The following TRMT1 variants were observed in gnomAD, a reference collection of about 807,000 sequenced individuals.
TRMT1 encodes tRNA methyltransferase 1.
In TRMT1, 63 loss-of-function variants were observed where a neutral mutation model predicts 75.4. The ratio of observed to expected loss-of-function variants is 0.84; its 90% CI spans 0.68 to 1.03. The LOEUF (loss-of-function observed/expected upper bound fraction) is 1.03, where lower values mean the gene tolerates loss of function less well. Ranked by LOEUF, TRMT1 falls within the 50% of genes least tolerant of loss-of-function variation. The probability of loss-of-function intolerance (pLI) is 0.00; values close to 1 mark genes in which losing one functional copy is unlikely to be tolerated. For missense variants in TRMT1, 870 were observed against 905.3 expected (o/e 0.96, Z 0.50); for synonymous variants, 382 against 358.1 (o/e 1.07, Z -0.75).
chr19:13,115,737 T>C lies in TRMT1; in HGVS notation c.342A>G (p.Lys114=). ...CTTGCTCTGACAAGTCCACGACCAC[T>C]TTTTGCGTGTCCTTCTCTCCTGGAA... ...IKVPGEKDTQ[K]VVVDLSEQEE... Residue 114 remains lysine, a synonymous_variant, in exon 4 of 17, where the codon AAA becomes AAG. Coordinates refer to ENST00000357720, the MANE Select transcript of TRMT1 (RefSeq NM_001136035.4). 8.1e-6 allele frequency: 13 copies of C among 1,614,040 alleles called. No homozygotes were observed. The highest frequency in any genetic ancestry group is 1.1e-5 in the Non-Finnish European group (13 of 1,180,012).
At chr19:13,107,881 G>C in intron 12 of TRMT1, 22 bp from the exon 13 acceptor site, 1 of 1,548,652 alleles carries the variant, frequency 6.5e-7, no homozygotes, top group South Asian at 1.2e-5. Flanking sequence ...CAGGGATTAT[G>C]AGGGAGATGC....
In TRMT1 at chr19:13,116,235, C is replaced by T; in HGVS notation, c.165G>A (p.Thr55=). Reference sequence around the variant, plus strand: ...TTTTGGCAGCCCCCTCGGTGACTGTCGTCTCCTGGACTTCACGTGGACGTT... The same window carrying T: ...TTTTGGCAGCCCCCTCGGTGACTGTTGTCTCCTGGACTTCACGTGGACGTT... ...GEERPREVQE[T]TVTEGAAKIA... is the part of the protein sequence containing the mutation. The change falls in exon 2 of 17, where the codon ACG becomes ACA. Residue 55 remains threonine (T), a synonymous_variant. Transcript: ENST00000357720. 1.2e-6 allele frequency: 2 copies of T among 1,614,204 alleles called. No homozygotes were observed. Among genetic ancestry groups the T allele is most frequent in the Non-Finnish European group, 1.7e-6 (2 of 1,180,046 alleles).
chr19:13,115,998 C>T lies in TRMT1; in HGVS notation c.309G>A (p.Gln103=). The part of the protein sequence containing the change: ...ARIQLGAKGI[Q]IKVPGEKDTQ... ...CCAGAAGCCTGGACCTCCACTCACT[C>T]TGGATTCCTTTGGCCCCAAGCTGAA... Residue 103 remains glutamine, a splice_region_variant and synonymous_variant, in exon 3 of 17, where the codon CAG becomes CAA. Coordinates refer to ENST00000357720, the MANE Select transcript of TRMT1 (RefSeq NM_001136035.4). The T allele has an allele frequency of 1.2e-6, 2 of 1,614,002 alleles. No individual in the cohort carries two copies. The highest frequency in any genetic ancestry group is 1.7e-6 in the Non-Finnish European group (2 of 1,180,020).
In TRMT1 at chr19:13,109,949, G is replaced by A. The variant is rs751387606; in HGVS notation, c.1072C>T (p.Arg358Cys). 3.4e-5 allele frequency: 55 copies of A among 1,613,764 alleles called. No individual in the cohort carries two copies. In the East Asian group the frequency reaches 8.2e-4, roughly 24 times the overall value. ...GGGACTCCTGACGCTTTGCCGAGACGCTGAAGGTGGAAGGCCCCGCAGCCC... is the reference window on the plus strand; with the variant it reads ...GGGACTCCTGACGCTTTGCCGAGACACTGAAGGTGGAAGGCCCCGCAGCCC... Reference protein sequence around the residue: ...CVGCGAFHLQRLGKASGVPSG... With the variant: ...CVGCGAFHLQCLGKASGVPSG... Residue 358 changes from arginine (R) to cysteine (C), a missense_variant, in exon 9 of 17, where the codon CGT (arginine) becomes TGT (cysteine). Coordinates refer to ENST00000357720, the MANE Select transcript of TRMT1 (RefSeq NM_001136035.4).
Position 13,116,394 on chromosome 19 carries a change from T to C in TRMT1, c.6A>G (p.Gln2=). The C allele has an allele frequency of 6.3e-7, 1 of 1,593,278 alleles. No individual in the cohort carries two copies. The highest frequency in any genetic ancestry group is 1.1e-5 in the South Asian group (1 of 90,846). The part of the protein sequence containing the change: M[Q]GSSLWLSLTF... ...TGAGGCTTAGCCACAGAGACGATCC[T>C]TGCATGAGACATCCGCTGGCGCCTC... Residue 2 remains glutamine, a synonymous_variant, in exon 2 of 17, where the codon CAA becomes CAG. Transcript: ENST00000357720.
At position 13,115,459 on chromosome 19, in the gene TRMT1, A is replaced by G; in HGVS notation, c.461T>C (p.Leu154Pro). Residue 154 changes from leucine (L) to proline (P), a missense_variant, in exon 5 of 17, where the codon CTG (leucine) becomes CCG (proline). Transcript: ENST00000357720. ...AAVGEICEEG[L>P]HVLEGLAASG... ...AGCTGCCAGGCCTTCCAGCACATGC[A>G]GGCCTTCCTGTTGGAGTAAGCAGAA... 6.2e-7 allele frequency: 1 copy of G among 1,612,884 alleles called. No homozygotes were observed. The highest frequency in any genetic ancestry group is 8.5e-7 in the Non-Finnish European group (1 of 1,179,416).
At chr19:13,109,891 T>C in intron 9 of TRMT1, 24 bp downstream of exon 9, 1 of 1,614,020 alleles carries the variant, frequency 6.2e-7, no homozygotes. Flanking sequence ...GGGACTCCCC[T>C]TCTTCTCCTT....
Position 13,105,968 on chromosome 19 carries a change from A to C in TRMT1, c.1584-362T>G, listed in dbSNP as rs527959736. On this transcript the variant is annotated intron_variant, in intron 14 of 16. Transcript: ENST00000357720. ...TACCAGCTACTCGGGACGCTGAGGC[A>C]GGAGAATCGCTTGAACCTGGGAGGC... is the stretch of plus-strand genomic sequence containing the variant. Among the ~76,000 whole-genome samples, 24 of 152,266 alleles carry C rather than the reference A, an allele frequency of 1.6e-4. No individual in the cohort carries two copies. The East Asian group carries it at 4.7e-3, about 30-fold the overall frequency.
rs371815198 is a variant in TRMT1 at position 13,110,044 on chromosome 19, G to A, written c.1020-43C>T. On this transcript the variant is annotated intron_variant, in intron 8 of 16. Transcript: ENST00000357720. ...GGCCACGAGTTCCCAGCGTGACCAC[G>A]ACACCCCAACTCCTCCCTTAGACTG... 1.1e-4 allele frequency: 174 copies of A among 1,612,304 alleles called. 1 individual carries two copies. The highest frequency in any genetic ancestry group is 2.3e-4 in the African/African-American group (17 of 75,020).
Position 13,112,752 on chromosome 19 carries a change from T to C in TRMT1, c.823A>G (p.Ser275Gly), listed in dbSNP as rs761003854. The change falls in exon 7 of 17, where the codon AGC (serine) becomes GGC (glycine). Residue 275 changes from serine to glycine, a missense_variant. Transcript: ENST00000357720. ...TTGAGGGCCATGGCCCCGTACTTGC[T>C]GTAGCACGTCTCCCCGCTGTTCCCC... Reference protein sequence around the residue: ...LAGNSGETCYSKYGAMALKSR... With the variant: ...LAGNSGETCYGKYGAMALKSR... The C allele has an allele frequency of 9.9e-6, 16 of 1,613,722 alleles. No homozygotes were observed. Among genetic ancestry groups the C allele is most frequent in the Non-Finnish European group, 1.3e-5 (15 of 1,180,020 alleles).
intron 3 of TRMT1, 41 bp from the exon 4 acceptor site, chr19:13,115,809 C>A (rs778560046): frequency 1.2e-6 from 2 of 1,612,474 alleles, no homozygotes; most frequent in Non-Finnish European, 8.5e-7. Context: ...ATAACAAGGT[C>A]CCCTCTGAGA....
At chr19:13,107,547 G>A in intron 14 of TRMT1, 27 bp downstream of exon 14, 16 of 1,580,664 alleles carry the variant, frequency 1.0e-5, no homozygotes, top group Non-Finnish European at 1.2e-5. Context: ...GGCAGCCCTG[G>A]CCGCTCCTGC....
rs768848203 is a variant in TRMT1, at chr19:13,107,785, G to T, written c.1472C>A (p.Pro491His). The change falls in exon 13 of 17, where the codon CCT becomes CAT. Residue 491 changes from proline to histidine, a missense_variant. Pro to His is a moderately conservative substitution (Grantham distance 77, BLOSUM62 -2). Coordinates refer to ENST00000357720, the MANE Select transcript of TRMT1 (RefSeq NM_001136035.4). ...ACKNAVKTDA[P>H]ASALWDIMRC... ...CATGATGTCCCAGAGGGCAGAGGCA[G>T]GGGCATCCGTCTTCACAGCGTTCTT... 1.3e-6 allele frequency: 2 copies of T among 1,552,718 alleles called. No individual in the cohort carries two copies. The highest frequency in any genetic ancestry group is 1.7e-6 in the Non-Finnish European group (2 of 1,147,536).
chr19:13,115,779 C>T lies in TRMT1; in HGVS notation c.311-11G>A. On this transcript the variant is annotated splice_polypyrimidine_tract_variant and intron_variant, in intron 3 of 16. Transcript: ENST00000357720. ...CTCCTGGAACCTTGACTGCAGCCAC[C>T]CAGAGGCACAAGTCAGAGAATAACA... 6.2e-7 allele frequency: 1 copy of T among 1,613,974 alleles called. No homozygotes were observed. The highest frequency in any genetic ancestry group is 8.5e-7 in the Non-Finnish European group (1 of 1,179,974).
chr19:13,116,518 G>A (rs1362241195), intron 1 of TRMT1, 87 bp from the exon 2 acceptor site: 2 of 1,388,014 alleles, frequency 1.4e-6, no homozygotes, highest in Non-Finnish European at 1.9e-6. Context: ...ATGAGGTAGG[G>A]ACTAGGAAAA....
In TRMT1 at chr19:13,116,445, C is replaced by CG. The variant is rs756749175; in HGVS notation, c.-32-15dup. On this transcript the variant is annotated splice_polypyrimidine_tract_variant and intron_variant, in intron 1 of 16. Coordinates refer to ENST00000357720, the MANE Select transcript of TRMT1 (RefSeq NM_001136035.4). ...CGCCCGCCAAGCCTGGTTCGGGGGGCGGGGGAGGGCACAGAGAGGGTCAGA... is the reference window on the plus strand; with the variant it reads ...CGCCCGCCAAGCCTGGTTCGGGGGGCGGGGGGAGGGCACAGAGAGGGTCAGA... 5.1e-6 allele frequency: 8 copies of CG among 1,572,982 alleles called. No individual in the cohort carries two copies. In the Admixed American group the frequency reaches 1.4e-4, roughly 27 times the overall value.
chr19:13,112,422 ATT>A (rs1038742508), intron 7 of TRMT1, among the ~76,000 whole-genome samples: 1 of 151,744 alleles, frequency 6.6e-6, no homozygotes, highest in East Asian at 1.9e-4. Flanking sequence ...TAAAAAAAAA[ATT>A]TTTTTTTGAA....
chr19:13,107,985 C>CTTTTTTTTTTTTTTTTTTTTTT, intron 12 of TRMT1, 126 bp from the exon 13 acceptor site: 1 of 328,588 alleles, frequency 3.0e-6, no homozygotes, highest in South Asian at 2.6e-5. Context: ...CTTTTCTTTT[C>CTTTTTTTTTTTTTTTTTTTTTT]TTTTTTTTTT....
At chr19:13,113,063 T>C (rs1205596638) in intron 5 of TRMT1, 52 bp from the exon 6 acceptor site, 1 of 1,430,746 alleles carries the variant, frequency 7.0e-7, no homozygotes, top group Non-Finnish European at 9.5e-7. Flanking sequence ...GTACCTTCTC[T>C]GTCCCCTACA....
Sources: allele counts gnomAD v4.1 joint callset (sites outside exome capture counted in the v4.1 genomes callset), GRCh38; gene constraint gnomAD v4.1.1; transcripts MANE v1.5; gene names NCBI Gene and HGNC (gene_info 2026-07-23, HGNC 2026-07-21).